Variants in NUP214 observed in about 807,000 individuals in gnomAD.
NUP214 encodes nuclear pore complex protein Nup214.
Under a neutral mutation model 196.2 loss-of-function variants are expected in NUP214, and 79 were observed. That is an observed-to-expected ratio of 0.40 (90% CI 0.34 to 0.49). NUP214 has a LOEUF of 0.49. NUP214 is among the 20% of genes least tolerant of loss of function. NUP214 has a pLI of 0.58. For synonymous variants in NUP214, 1,020 were observed against 990.5 expected (o/e 1.03, Z -0.56); for missense variants, 2,468 against 2,539.0 (o/e 0.97, Z 0.60).
chr9:131,151,228 T>A (rs751377265), intron 16 of NUP214, among the ~76,000 whole-genome samples: 1 of 152,268 alleles, frequency 6.6e-6, no homozygotes, highest in Non-Finnish European at 1.5e-5. Context: ...TGCCAGGCAC[T>A]GTGCCAAACG....
rs930229931 is a variant in NUP214 at position 131,175,606 on chromosome 9, G to T, written c.3304G>T (p.Ala1102Ser). ...CGCAGCAGCACTCAGGCGGCAGATG[G>T]CCAGTCAGGCACCAGGTAAAAGCTG... Reference protein sequence around the residue: ...AAAAALRRQMASQAPAVNTLT... With the variant: ...AAAAALRRQMSSQAPAVNTLT... The change falls in exon 23 of 36, where the codon GCC (alanine) becomes TCC (serine). Residue 1102 changes from alanine (A) to serine (S), a missense_variant. This residue lies in a region of NUP214 where 1,801 missense variants were observed against 1,779.4 expected (regional missense o/e 1.01). Transcript: ENST00000359428. The T allele has an allele frequency of 1.2e-5, 19 of 1,614,036 alleles. No homozygotes were observed. The highest frequency in any genetic ancestry group is 1.5e-5 in the Non-Finnish European group (18 of 1,180,022).
In NUP214 at chr9:131,197,931, A is replaced by G. The variant is rs1833837354; in HGVS notation, c.4437A>G (p.Ser1479=). 6.2e-7 allele frequency: 1 copy of G among 1,614,114 alleles called. No homozygotes were observed. Among genetic ancestry groups the G allele is most frequent in the Non-Finnish European group, 8.5e-7 (1 of 1,180,020 alleles). Residue 1479 remains serine (S), a synonymous_variant, in exon 29 of 36, where the codon TCA becomes TCG. Transcript: ENST00000359428. ...TGTCATTTGGTAGCCTCCTGAGTTC[A>G]GCAACTACCCCCTCCCTGCCTATGT... ...PTLSFGSLLS[S]ATTPSLPMSA... is the part of the protein sequence containing the mutation.
intron 2 of NUP214, 142 bp from the exon 3 acceptor site, chr9:131,128,190 A>G (rs935214498): frequency 3.4e-6 from 2 of 583,394 alleles, no homozygotes; most frequent in African/African-American, 3.7e-5. Context: ...TAAGAAAGTT[A>G]AGATTTATCT....
rs1258944575 is a variant in NUP214, at chr9:131,161,537, G to A, written c.2541-1454G>A. 5.3e-5 allele frequency among the ~76,000 whole-genome samples: 8 copies of A among 152,230 alleles called. 1 individual carries two copies. Among genetic ancestry groups the A allele is most frequent in the South Asian group, 2.1e-4 (1 of 4,816 alleles). On this transcript the variant is annotated intron_variant, in intron 18 of 35. Transcript: ENST00000359428. ...CTCCCAGAGTGCTGGGATTACAGGCGTGAGCCACCGCGCCTGGCCTGAAAT... is the reference window on the plus strand; with the variant it reads ...CTCCCAGAGTGCTGGGATTACAGGCATGAGCCACCGCGCCTGGCCTGAAAT...
At chr9:131,132,305 G>T (rs543360424) in intron 5 of NUP214, among the ~76,000 whole-genome samples, 45 of 151,894 alleles carry the variant, frequency 3.0e-4, no homozygotes, top group African/African-American at 9.7e-4. Context: ...GTAGAGACGG[G>T]GTTTCGCCAT....
At chr9:131,132,794 G>A in intron 6 of NUP214, 135 bp downstream of exon 6, 1 of 771,340 alleles carries the variant, frequency 1.3e-6, no homozygotes, top group East Asian at 2.6e-5. Flanking sequence ...ATTTCAAACA[G>A]CTAATTAAGT....
In NUP214 at chr9:131,127,568, C is replaced by T. The variant is rs755786981; in HGVS notation, c.90C>T (p.Ser30=). ...RALKKVRIFD[S]PEELPKERSS... is the part of the protein sequence containing the mutation. ...TAAAGAAGGTGAGAATCTTTGACTC[C>T]CCTGAGGAATTGCCCAAGGAACGCT... The change falls in exon 2 of 36, where the codon TCC becomes TCT. Residue 30 remains serine, a synonymous_variant. Coordinates refer to ENST00000359428, the MANE Select transcript of NUP214 (RefSeq NM_005085.4). 8.7e-6 allele frequency: 14 copies of T among 1,613,860 alleles called. No individual in the cohort carries two copies. Among genetic ancestry groups the T allele is most frequent in the Admixed American group, 8.3e-5 (5 of 60,000 alleles).
At chr9:131,188,603 CATG>C (rs1833519696) in intron 25 of NUP214, among the ~76,000 whole-genome samples, 3 of 152,240 alleles carry the variant, frequency 2.0e-5, no homozygotes, top group Non-Finnish European at 4.4e-5. Context: ...ATGGAAAACA[CATG>C]ATAAGGCATA....
chr9:131,183,437 C>T (rs2131016217), intron 24 of NUP214, among the ~76,000 whole-genome samples: 1 of 152,302 alleles, frequency 6.6e-6, no homozygotes, highest in South Asian at 2.1e-4. Flanking sequence ...CATGTTTATA[C>T]ATATAGTTAC....
chr9:131,174,457 T>C, intron 22 of NUP214, 139 bp downstream of exon 22: 1 of 794,096 alleles, frequency 1.3e-6, no homozygotes, highest in Non-Finnish European at 1.8e-6. Context: ...CTTTTTTTCT[T>C]TTTTTTTTTG....
intron 21 of NUP214, among the ~76,000 whole-genome samples, chr9:131,173,641 T>C (rs777972148): frequency 9.2e-5 from 14 of 152,112 alleles, no homozygotes; most frequent in Admixed American, 3.3e-4. Flanking sequence ...TAATCCATTT[T>C]GCGTTGGACC....
At position 131,147,520 on chromosome 9, in the gene NUP214, T is replaced by C; in HGVS notation, c.1976T>C (p.Val659Ala). 2 of 1,614,166 alleles carry C rather than the reference T, an allele frequency of 1.2e-6. No homozygotes were observed. The highest frequency in any genetic ancestry group is 4.5e-5 in the East Asian group (2 of 44,876). ...TCTGCTCAGGGCAGTTCAAGCCCAG[T>C]GCCCTCAATGGTACAGAAATCACCC... ...GRSAQGSSSP[V>A]PSMVQKSPRI... The change falls in exon 14 of 36, where the codon GTG becomes GCG. Residue 659 changes from valine to alanine, a missense_variant. Val to Ala is a moderately conservative substitution (Grantham distance 64). Around this residue, in one of 5 missense-constraint regions of NUP214, gnomAD observed 1,801 missense variants for 1,779.4 expected, o/e 1.01. Coordinates refer to ENST00000359428, the MANE Select transcript of NUP214 (RefSeq NM_005085.4).
At chr9:131,175,899 C>T in intron 23 of NUP214, 1 of 364,884 alleles carries the variant, frequency 2.7e-6, no homozygotes, top group Non-Finnish European at 4.9e-6. Context: ...ATTGCTAATC[C>T]TACTTTTGAA....
chr9:131,125,675 T>G lies in NUP214; in HGVS notation c.-30T>G. The G allele has an allele frequency of 6.5e-7, 1 of 1,548,056 alleles. No homozygotes were observed. Among genetic ancestry groups the G allele is most frequent in the Non-Finnish European group, 8.7e-7 (1 of 1,145,218 alleles). On this transcript the variant is annotated 5_prime_UTR_variant, in exon 1 of 36. Coordinates refer to ENST00000359428, the MANE Select transcript of NUP214 (RefSeq NM_005085.4). The surrounding 1 kb of genome is among the most constrained non-coding windows in gnomAD (Gnocchi z 4.1). ...TGGGCAAGGCCGTGGGAGGCAGCGT[T>G]GGCTGCTTCGACACACTGAGGGCGG...
chr9:131,129,260 T>G lies in NUP214; in HGVS notation c.394-19T>G. 1 of 1,605,722 alleles carries G rather than the reference T, an allele frequency of 6.2e-7. No individual in the cohort carries two copies. The highest frequency in any genetic ancestry group is 8.5e-7 in the Non-Finnish European group (1 of 1,173,002). ...ACTATTTGTTAACTTATTTCACTTT[T>G]GCATATTTGTTTTAAAAGGCTAAAC... On this transcript the variant is annotated intron_variant, in intron 3 of 35. Coordinates refer to ENST00000359428, the MANE Select transcript of NUP214 (RefSeq NM_005085.4).
At chr9:131,219,945 C>T (rs1834512559) in intron 31 of NUP214, among the ~76,000 whole-genome samples, 1 of 152,164 alleles carries the variant, frequency 6.6e-6, no homozygotes, top group Non-Finnish European at 1.5e-5. Flanking sequence ...GTCTGATACT[C>T]TGTATCGGAT....
intron 27 of NUP214, among the ~76,000 whole-genome samples, chr9:131,192,941 CAAAAAAAAA>C (rs34653431): frequency 6.4e-5 from 2 of 31,036 alleles, no homozygotes; most frequent in South Asian, 1.8e-3. Flanking sequence ...ACCCCGTCTC[CAAAAAAAAA>C]AAAAAAAAAA....
chr9:131,141,478 CTTTT>C (rs3057295), intron 11 of NUP214, among the ~76,000 whole-genome samples: 182 of 118,720 alleles, frequency 1.5e-3, no homozygotes, highest in Non-Finnish European at 2.6e-3. Context: ...TGAAAAGAAA[CTTTT>C]TTTTTTTTTT....
chr9:131,209,491 A>G (rs761042801), intron 30 of NUP214, among the ~76,000 whole-genome samples: 1 of 152,176 alleles, frequency 6.6e-6, no homozygotes, highest in Non-Finnish European at 1.5e-5. Flanking sequence ...CCCAGGTTCA[A>G]TCAATTCTCC....
Sources: allele counts gnomAD v4.1 joint callset (sites outside exome capture counted in the v4.1 genomes callset), GRCh38; gene constraint gnomAD v4.1.1; regional missense constraint gnomAD v4.1.1; non-coding constraint Gnocchi (gnomAD v3.1); transcripts MANE v1.5; gene names NCBI Gene and HGNC (gene_info 2026-07-23, HGNC 2026-07-21).